Variants in LPP observed in about 807,000 individuals in gnomAD.
The protein encoded by LPP is lipoma-preferred partner.
A neutral mutation model predicts 60.4 loss-of-function variants in LPP; 38 were observed. The ratio of observed to expected loss-of-function variants is 0.63; its 90% confidence interval spans 0.49 to 0.83. The LOEUF (loss-of-function observed/expected upper bound fraction) is 0.83. LPP is among the 40% of genes least tolerant of loss of function. The pLI is 0.00. For missense variants in LPP, 902 were observed against 783.6 expected (o/e 1.15, Z -1.80); for synonymous variants, 328 against 290.8 (o/e 1.13, Z -1.30).
At chr3:188,448,343 G>A (rs1309560903) in intron 4 of LPP, among the ~76,000 whole-genome samples, 3 of 12,080 alleles carry the variant, frequency 2.5e-4, no homozygotes, top group East Asian at 3.7e-3. Flanking sequence ...GAGATGACTC[G>A]TGCAAAAGCT....
chr3:188,699,425 G>A (rs1863932200), intron 7 of LPP, among the ~76,000 whole-genome samples: 1 of 140,212 alleles, frequency 7.1e-6, no homozygotes, highest in East Asian at 2.1e-4. Context: ...CCTTGGCTAT[G>A]ACTCCAAATT....
intron 6 of LPP, among the ~76,000 whole-genome samples, chr3:188,588,089 G>C (rs1266639343): frequency 6.6e-6 from 1 of 152,170 alleles, no homozygotes; most frequent in Non-Finnish European, 1.5e-5. Flanking sequence ...GACAAACTCT[G>C]ATATTTAAAA....
intron 4 of LPP, among the ~76,000 whole-genome samples, chr3:188,414,224 A>C (rs894685488): frequency 1.6e-4 from 24 of 152,130 alleles, no homozygotes; most frequent in African/African-American, 5.3e-4. Flanking sequence ...AACTATTCAA[A>C]ATTATAAAAA....
intron 9 of LPP, among the ~76,000 whole-genome samples, chr3:188,778,009 T>C (rs572839264): frequency 6.6e-5 from 10 of 152,314 alleles, no homozygotes; most frequent in African/African-American, 2.2e-4. Context: ...AATTGTAACT[T>C]TAAATAAGGG....
intron 7 of LPP, among the ~76,000 whole-genome samples, chr3:188,622,927 C>A (rs1846065293): frequency 6.6e-6 from 1 of 150,892 alleles, no homozygotes; most frequent in African/African-American, 2.4e-5. Flanking sequence ...ACTCAGGAGG[C>A]TGAGGCAGGG....
chr3:188,849,093 G>A (rs113654423), intron 9 of LPP, among the ~76,000 whole-genome samples: 33 of 152,318 alleles, frequency 2.2e-4, no homozygotes, highest in African/African-American at 7.9e-4. Flanking sequence ...CAGCACCGTG[G>A]TGAGCGAGGC....
chr3:188,670,143 A>G (rs1185670837), intron 7 of LPP, among the ~76,000 whole-genome samples: 1 of 152,162 alleles, frequency 6.6e-6, no homozygotes, highest in East Asian at 1.9e-4. Flanking sequence ...TAGGAGAAAT[A>G]CCTAATGTAG....
At chr3:188,382,030 C>G (rs1294543137) in intron 3 of LPP, among the ~76,000 whole-genome samples, 1 of 151,906 alleles carries the variant, frequency 6.6e-6, no homozygotes, top group Non-Finnish European at 1.5e-5. Flanking sequence ...TCAAGTGATC[C>G]TCCTGCCTCA....
chr3:188,434,314 T>G (rs1010590645), intron 4 of LPP, among the ~76,000 whole-genome samples: 3 of 152,158 alleles, frequency 2.0e-5, no homozygotes. Flanking sequence ...TATAGATATA[T>G]ATATTTTTTC....
At chr3:188,291,053 A>G (rs773101112) in intron 2 of LPP, among the ~76,000 whole-genome samples, 24 of 152,206 alleles carry the variant, frequency 1.6e-4, no homozygotes, top group Admixed American at 1.4e-3. Flanking sequence ...ACATTCTAAC[A>G]TATGTATTTC....
At chr3:188,446,470 T>C (rs1404940854) in intron 4 of LPP, among the ~76,000 whole-genome samples, 2 of 152,234 alleles carry the variant, frequency 1.3e-5, no homozygotes, top group Non-Finnish European at 2.9e-5. Context: ...ATTTAACTTC[T>C]CTGTCTTTAG....
intron 6 of LPP, among the ~76,000 whole-genome samples, chr3:188,590,331 G>T (rs1451158541): frequency 1.3e-5 from 2 of 152,118 alleles, no homozygotes; most frequent in African/African-American, 4.8e-5. Flanking sequence ...CCAGTACTTT[G>T]GGAGGCCGAG....
At chr3:188,602,696 TA>T (rs1407055430) in intron 6 of LPP, among the ~76,000 whole-genome samples, 2 of 146,272 alleles carry the variant, frequency 1.4e-5, no homozygotes, top group Non-Finnish European at 3.0e-5. Context: ...GATATAGAAA[TA>T]TTTTTTTATT....
chr3:188,400,635 G>A (rs1286519620), intron 3 of LPP, among the ~76,000 whole-genome samples: 1 of 152,220 alleles, frequency 6.6e-6, no homozygotes, highest in Non-Finnish European at 1.5e-5. Flanking sequence ...GGAAGCAGCA[G>A]CTCCCCAGCT....
At chr3:188,711,620 G>A (rs554805906) in intron 8 of LPP, 1 of 151,524 alleles carries the variant, frequency 6.6e-6, no homozygotes, top group African/African-American at 2.4e-5. Context: ...GAAAATTTAC[G>A]TTATGTAGAA....
intron 5 of LPP, among the ~76,000 whole-genome samples, chr3:188,499,646 A>G (rs1333181799): frequency 1.3e-5 from 2 of 152,144 alleles, no homozygotes; most frequent in Non-Finnish European, 2.9e-5. Context: ...TTTTTAAAAA[A>G]TGTCACTGGG....
chr3:188,737,543 A>T (rs760446320), intron 8 of LPP, among the ~76,000 whole-genome samples: 11 of 152,130 alleles, frequency 7.2e-5, no homozygotes, highest in Non-Finnish European at 5.9e-5. Flanking sequence ...GAGAGCTAAG[A>T]AACTTCTGAT....
chr3:188,860,570 T>C (rs1764947807), intron 9 of LPP, among the ~76,000 whole-genome samples: 1 of 152,056 alleles, frequency 6.6e-6, no homozygotes, highest in Non-Finnish European at 1.5e-5. Flanking sequence ...GGAACCCACT[T>C]GAAACACACT....
chr3:188,158,961 C>A (rs1717346480), intron 1 of LPP, among the ~76,000 whole-genome samples: 3 of 152,186 alleles, frequency 2.0e-5, no homozygotes, highest in Admixed American at 2.0e-4. Flanking sequence ...CTGTTCTAGC[C>A]CCTTTTTCTC....
Sources: gnomAD v4.1 joint callset for allele counts (sites outside exome capture counted in the v4.1 genomes callset) on GRCh38, gnomAD v4.1.1 for gene constraint, MANE v1.5 for transcripts, NCBI Gene and HGNC (gene_info 2026-07-23, HGNC 2026-07-21) for gene names.